Variants in GLRB observed in about 807,000 individuals in gnomAD.
GLRB encodes glycine receptor subunit beta.
In GLRB, 33 loss-of-function variants were observed where a neutral mutation model predicts 54.2. The ratio of observed to expected loss-of-function variants is 0.61; its 90% CI spans 0.46 to 0.81. GLRB has a LOEUF of 0.81. Ranked by LOEUF, GLRB falls within the 40% of genes least tolerant of loss-of-function variation. The pLI, the probability that GLRB is intolerant of heterozygous loss-of-function variation, is 0.00. For synonymous variants in GLRB, 209 were observed against 208.2 expected, an observed-to-expected ratio of 1.00 and a Z score of -0.03; for missense variants, 572 against 584.6, an observed-to-expected ratio of 0.98 and a Z score of 0.22.
intron 2 of GLRB, among the ~76,000 whole-genome samples, chr4:157,091,181 G>A (rs1247735348): frequency 6.6e-6 from 1 of 152,052 alleles, no homozygotes; most frequent in Non-Finnish European, 1.5e-5. Flanking sequence ...TTTTTGAAAC[G>A]ATTATAATAG....
intron 2 of GLRB, among the ~76,000 whole-genome samples, chr4:157,079,927 G>A (rs76058639): frequency 6.6e-6 from 1 of 152,042 alleles, no homozygotes; most frequent in Non-Finnish European, 1.5e-5. Flanking sequence ...AAGCCATCTT[G>A]GGTTTCTGTA....
In GLRB at chr4:157,158,646, G is replaced by A. The variant is rs546135130; in HGVS notation, c.1197+5636G>A. 2.6e-5 allele frequency among the ~76,000 whole-genome samples: 4 copies of A among 152,226 alleles called. No individual in the cohort carries two copies. The South Asian group carries it at 8.3e-4, about 32-fold the overall frequency. On this transcript the variant is annotated intron_variant, in intron 9 of 9. Coordinates refer to ENST00000264428, the MANE Select transcript of GLRB (RefSeq NM_000824.5). ...TGTCAAAGATCAGATGGTTGTAGAT[G>A]TGTGGTATTATTTCCAAGGGCTCTA...
chr4:157,135,942 G>A (rs17035728), intron 4 of GLRB, among the ~76,000 whole-genome samples: 18,241 of 152,054 alleles, frequency 0.12, 2,642 homozygotes, highest in African/African-American at 0.35. Flanking sequence ...CGTTTGCCAC[G>A]TTGTATCTGT....
At chr4:157,080,679 T>G (rs1482884532) in intron 2 of GLRB, among the ~76,000 whole-genome samples, 1 of 152,170 alleles carries the variant, frequency 6.6e-6, no homozygotes, top group Non-Finnish European at 1.5e-5. Context: ...TTATTAAACA[T>G]CTTGACTAAG....
intron 2 of GLRB, among the ~76,000 whole-genome samples, chr4:157,095,535 T>C (rs1228528237): frequency 1.3e-5 from 2 of 152,056 alleles, no homozygotes; most frequent in Non-Finnish European, 2.9e-5. Flanking sequence ...ATTATGAAAC[T>C]AGATGAGGTC....
chr4:157,114,485 TA>T (rs1735535009), intron 2 of GLRB, among the ~76,000 whole-genome samples: 1 of 151,864 alleles, frequency 6.6e-6, no homozygotes, highest in African/African-American at 2.4e-5. Context: ...TGCTTTTATT[TA>T]TTTTTTACAA....
intron 2 of GLRB, among the ~76,000 whole-genome samples, chr4:157,093,648 G>A (rs1335135968): frequency 6.6e-6 from 1 of 151,670 alleles, no homozygotes; most frequent in Non-Finnish European, 1.5e-5. Flanking sequence ...CCAGCTACTT[G>A]GGAGGCTGAG....
intron 4 of GLRB, among the ~76,000 whole-genome samples, chr4:157,132,885 A>G (rs1040744111): frequency 1.8e-4 from 27 of 151,954 alleles, no homozygotes; most frequent in Non-Finnish European, 3.4e-4. Context: ...ATGTTACTTC[A>G]TGTATCTCTA....
chr4:157,158,119 G>C (rs1012528653), intron 9 of GLRB, among the ~76,000 whole-genome samples: 1 of 152,072 alleles, frequency 6.6e-6, no homozygotes, highest in Non-Finnish European at 1.5e-5. Context: ...GTGTCTGTTG[G>C]CTGCATAAAT....
chr4:157,146,789 C>G (rs548604483), intron 8 of GLRB, among the ~76,000 whole-genome samples: 21 of 152,030 alleles, frequency 1.4e-4, no homozygotes, highest in African/African-American at 5.1e-4. Flanking sequence ...CTACTGCACT[C>G]CAGCCTGGGC....
Position 157,136,613 on chromosome 4 carries a change from GA to G in GLRB, c.448del (p.Ser150ValfsTer7). The G allele has an allele frequency of 1.9e-6, 3 of 1,613,124 alleles. No homozygotes were observed. The highest frequency in any genetic ancestry group is 2.5e-6 in the Non-Finnish European group (3 of 1,179,380). On this transcript the variant is annotated frameshift_variant, in exon 5 of 10. Transcript: ENST00000264428. LOFTEE classifies it high-confidence loss of function. ...GAAACCTGATTTATTTTTTGCAAAT[GA>G]AAAAAGTGCCAATTTTCATGATGTG... is the stretch of plus-strand genomic sequence containing the variant. Reference protein sequence around the residue: ...LWKPDLFFANEKSANFHDVTQ... With the variant: ...LWKPDLFFANXKSANFHDVTQ...
intron 6 of GLRB, among the ~76,000 whole-genome samples, chr4:157,137,750 G>T (rs115387805): frequency 3.9e-5 from 6 of 152,214 alleles, no homozygotes; most frequent in Non-Finnish European, 7.4e-5. Flanking sequence ...GCACATGTCT[G>T]TTTATGTTTT....
intron 2 of GLRB, among the ~76,000 whole-genome samples, chr4:157,100,970 G>C (rs1735001579): frequency 6.6e-6 from 1 of 152,152 alleles, no homozygotes; most frequent in Admixed American, 6.5e-5. Context: ...TTCCTGGGCT[G>C]AGAGAAATGC....
At chr4:157,091,581 G>T (rs530694572) in intron 2 of GLRB, among the ~76,000 whole-genome samples, 41 of 152,320 alleles carry the variant, frequency 2.7e-4, no homozygotes, top group African/African-American at 9.9e-4. Context: ...TCCTCAAAGT[G>T]TTGTCCACAG....
At chr4:157,089,979 A>T (rs193101215) in intron 2 of GLRB, among the ~76,000 whole-genome samples, 1 of 152,276 alleles carries the variant, frequency 6.6e-6, no homozygotes, top group Non-Finnish European at 1.5e-5. Flanking sequence ...AGAAATGATT[A>T]TTGCATCTAG....
intron 2 of GLRB, among the ~76,000 whole-genome samples, chr4:157,117,225 A>G (rs1735640103): frequency 6.6e-6 from 1 of 151,680 alleles, no homozygotes; most frequent in African/African-American, 2.4e-5. Flanking sequence ...AAGAAGATAG[A>G]TAATATTTCA....
intron 9 of GLRB, among the ~76,000 whole-genome samples, chr4:157,167,086 G>T (rs1737738519): frequency 6.6e-6 from 1 of 152,008 alleles, no homozygotes; most frequent in African/African-American, 2.4e-5. Context: ...AAATATACTT[G>T]GTTTTAAGCC....
intron 2 of GLRB, among the ~76,000 whole-genome samples, chr4:157,112,092 A>G (rs1171682818): frequency 6.6e-6 from 1 of 150,836 alleles, no homozygotes. Context: ...TTTTTTAACC[A>G]TAAACTCTCT....
chr4:157,133,261 C>G (rs543992199), intron 4 of GLRB, among the ~76,000 whole-genome samples: 31 of 151,860 alleles, frequency 2.0e-4, no homozygotes, highest in African/African-American at 7.0e-4. Context: ...TAGAGTATCT[C>G]CTTTAATTCT....
Sources: allele counts gnomAD v4.1 joint callset (sites outside exome capture counted in the v4.1 genomes callset), GRCh38; gene constraint gnomAD v4.1.1; transcripts MANE v1.5; gene names NCBI Gene and HGNC (gene_info 2026-07-23, HGNC 2026-07-21).